The following ELAVL3 variants were observed in gnomAD, a reference collection of about 807,000 sequenced individuals.
The protein encoded by ELAVL3 is ELAV like RNA binding protein 3, also known as ELAV-like protein 3.
ELAVL3 carries 8 observed loss-of-function variants against 34.2 expected under a neutral mutation model. The ratio of observed to expected loss-of-function variants is 0.23; its 90% CI spans 0.14 to 0.42. The LOEUF is 0.42. Ranked by LOEUF, ELAVL3 falls within the 10% of genes least tolerant of loss-of-function variation. The pLI is 1.00. For synonymous variants in ELAVL3, 209 were observed against 222.1 expected (o/e 0.94, Z 0.53); for missense variants, 273 against 518.8 (o/e 0.53, Z 4.60).
intron 1 of ELAVL3, among the ~76,000 whole-genome samples, chr19:11,474,120 C>T (rs1971219104): frequency 6.6e-6 from 1 of 152,138 alleles, no homozygotes; most frequent in Non-Finnish European, 1.5e-5. Flanking sequence ...TCAGTCTAAA[C>T]CTCCGGGGCT....
chr19:11,469,697 T>G (rs891837678), intron 1 of ELAVL3, among the ~76,000 whole-genome samples: 1 of 152,230 alleles, frequency 6.6e-6, no homozygotes, highest in African/African-American at 2.4e-5. Context: ...TTTTGGTGGT[T>G]TAGCATTTTT....
At chr19:11,469,815 T>C (rs1201395859) in intron 1 of ELAVL3, among the ~76,000 whole-genome samples, 1 of 151,964 alleles carries the variant, frequency 6.6e-6, no homozygotes, top group Admixed American at 6.6e-5. Flanking sequence ...TCCAGCACTT[T>C]GGGAGGCCAA....
At position 11,466,844 on chromosome 19, in the gene ELAVL3, G is replaced by A. The variant is rs779526842; in HGVS notation, c.10-17C>T. The A allele has an allele frequency of 1.7e-5, 27 of 1,573,232 alleles. No individual in the cohort carries two copies. Among genetic ancestry groups the A allele is most frequent in the African/African-American group, 1.4e-4 (10 of 73,802 alleles). ...CAGTATCTGCTGGAGATAACAGGTC[G>A]CATCCGCTCACCGCCCAGTCCCCAC... On this transcript the variant is annotated splice_polypyrimidine_tract_variant and intron_variant, in intron 1 of 6. Coordinates refer to ENST00000359227, the MANE Select transcript of ELAVL3 (RefSeq NM_001420.4). The surrounding 1 kb of genome is among the most constrained non-coding windows in gnomAD (Gnocchi z 5.0).
At chr19:11,478,621 C>T (rs1320922159) in intron 1 of ELAVL3, among the ~76,000 whole-genome samples, 1 of 152,108 alleles carries the variant, frequency 6.6e-6, no homozygotes, top group Admixed American at 6.5e-5. Context: ...GTTTCTCTCT[C>T]CCTCTTTCTT....
Position 11,454,280 on chromosome 19 carries a change from A to T in ELAVL3, c.*246T>A. On this transcript the variant is annotated 3_prime_UTR_variant, in exon 7 of 7. Transcript: ENST00000359227. This position sits in a 1 kb window ranked among gnomAD's most constrained non-coding sequence, Gnocchi z 9.2. ...TGAACCAAACCAAGACGAGAGAGTG[A>T]ACAGCCCAGCCTGGGGTGGGGGCAG... 2.0e-6 allele frequency: 1 copy of T among 504,106 alleles called. No homozygotes were observed. Among genetic ancestry groups the T allele is most frequent in the Non-Finnish European group, 3.5e-6 (1 of 284,856 alleles). The allele number at this position is 504,106 out of a possible 1,614,324, so 31.2% of individuals were successfully genotyped here.
intron 1 of ELAVL3, among the ~76,000 whole-genome samples, chr19:11,467,353 C>T (rs1322319046): frequency 7.2e-5 from 11 of 151,798 alleles, no homozygotes; most frequent in East Asian, 2.0e-4. Flanking sequence ...ACCCGGGAGG[C>T]GGAGGTTGTG....
chr19:11,472,185 A>G (rs1971177070), intron 1 of ELAVL3, among the ~76,000 whole-genome samples: 1 of 152,104 alleles, frequency 6.6e-6, no homozygotes, highest in Non-Finnish European at 1.5e-5. Flanking sequence ...TGTCTGTACT[A>G]AAATTACAAA....
chr19:11,461,580 CTTG>C (rs956605592), intron 3 of ELAVL3, among the ~76,000 whole-genome samples: 6 of 140,798 alleles, frequency 4.3e-5, no homozygotes, highest in African/African-American at 1.3e-4. Flanking sequence ...CTTTCTTTTT[CTTG>C]TTAAGTGAGG....
At chr19:11,467,290 C>T (rs1464240103) in intron 1 of ELAVL3, among the ~76,000 whole-genome samples, 4 of 151,712 alleles carry the variant, frequency 2.6e-5, no homozygotes, top group African/African-American at 7.2e-5. Context: ...GGCGTGGTGG[C>T]GCATGCCTGT....
chr19:11,464,837 CCAGA>C (rs1233763669), intron 3 of ELAVL3, among the ~76,000 whole-genome samples: 14 of 118,744 alleles, frequency 1.2e-4, no homozygotes, highest in African/African-American at 3.2e-4. Context: ...CACACACAAA[CCAGA>C]CACACACATA....
At chr19:11,469,864 C>A (rs1033149034) in intron 1 of ELAVL3, among the ~76,000 whole-genome samples, 5 of 152,134 alleles carry the variant, frequency 3.3e-5, no homozygotes, top group African/African-American at 1.2e-4. Flanking sequence ...TCGAGACCAG[C>A]CTGGGCAACA....
At chr19:11,460,172 G>A (rs1409952673) in intron 3 of ELAVL3, among the ~76,000 whole-genome samples, 1 of 152,030 alleles carries the variant, frequency 6.6e-6, no homozygotes, top group Non-Finnish European at 1.5e-5. Flanking sequence ...GGTTGTTCTC[G>A]ACACCTGTTC....
At position 11,466,690 on chromosome 19, in the gene ELAVL3, G is replaced by A; in HGVS notation, c.147C>T (p.Asn49=). 3 of 1,614,204 alleles carry A rather than the reference G, an allele frequency of 1.9e-6. No individual in the cohort carries two copies. The South Asian group carries it at 3.3e-5, about 18-fold the overall frequency. The change falls in exon 2 of 7, where the codon AAC becomes AAT. Residue 49 remains asparagine (N), a synonymous_variant. Transcript: ENST00000359227. The surrounding 1 kb of genome is among the most constrained non-coding windows in gnomAD (Gnocchi z 5.0). ...TNLIVNYLPQ[N]MTQDEFKSLF... Reference sequence around the variant, plus strand: ...GACTCTTGAACTCATCCTGGGTCATGTTCTGGGGCAGGTAGTTGACGATGA... The same window carrying A: ...GACTCTTGAACTCATCCTGGGTCATATTCTGGGGCAGGTAGTTGACGATGA...
Position 11,466,194 on chromosome 19 carries a change from T to C in ELAVL3, c.311A>G (p.Lys104Arg). 6.2e-7 allele frequency: 1 copy of C among 1,613,786 alleles called. No individual in the cohort carries two copies. The highest frequency in any genetic ancestry group is 8.5e-7 in the Non-Finnish European group (1 of 1,179,852). Residue 104 changes from lysine (K) to arginine (R), a missense_variant, in exon 3 of 7, where the codon AAA becomes AGA. This residue lies in a region of ELAVL3 where 102 missense variants were observed against 250.1 expected (regional missense o/e 0.41). Coordinates refer to ENST00000359227, the MANE Select transcript of ELAVL3 (RefSeq NM_001420.4). This position sits in a 1 kb window ranked among gnomAD's most constrained non-coding sequence, Gnocchi z 5.0. ...AACCTTGATGGTCTTCGTCTGTAATTTGAGGCCGTTGAGGGTGTTGATGGC... is the reference window on the plus strand; with the variant it reads ...AACCTTGATGGTCTTCGTCTGTAATCTGAGGCCGTTGAGGGTGTTGATGGC... ...DKAINTLNGL[K>R]LQTKTIKVSY...
intron 1 of ELAVL3, among the ~76,000 whole-genome samples, chr19:11,472,712 A>AAAG (rs906213049): frequency 7.2e-5 from 11 of 151,924 alleles, no homozygotes; most frequent in African/African-American, 2.2e-4. Context: ...CAAAAAAGAA[A>AAAG]AAGAAGAAGA....
At chr19:11,474,195 G>C (rs1261042578) in intron 1 of ELAVL3, among the ~76,000 whole-genome samples, 2 of 152,062 alleles carry the variant, frequency 1.3e-5, no homozygotes, top group Non-Finnish European at 2.9e-5. Context: ...ACCATGCCTG[G>C]CTAATTTTTT....
intron 1 of ELAVL3, among the ~76,000 whole-genome samples, chr19:11,473,040 C>G (rs1384686103): frequency 6.6e-6 from 1 of 151,450 alleles, no homozygotes; most frequent in Non-Finnish European, 1.5e-5. Flanking sequence ...GCACTCCAGC[C>G]TGGGTGACAG....
At chr19:11,478,276 T>C (rs956933808) in intron 1 of ELAVL3, among the ~76,000 whole-genome samples, 1 of 152,198 alleles carries the variant, frequency 6.6e-6, no homozygotes, top group African/African-American at 2.4e-5. Flanking sequence ...ACCCAGGTTC[T>C]TGAGGCCTAG....
intron 3 of ELAVL3, among the ~76,000 whole-genome samples, chr19:11,464,203 C>T (rs1353842899): frequency 2.9e-4 from 34 of 115,470 alleles, no homozygotes; most frequent in South Asian, 6.0e-4. Context: ...TGCTCTGTTG[C>T]CGAGGCTGGA....
Sources: gnomAD v4.1 joint callset for allele counts (sites outside exome capture counted in the v4.1 genomes callset) on GRCh38, gnomAD v4.1.1 for gene constraint, gnomAD v4.1.1 regional missense constraint, Gnocchi (gnomAD v3.1) non-coding constraint, MANE v1.5 for transcripts, NCBI Gene and HGNC (gene_info 2026-07-23, HGNC 2026-07-21) for gene names.